VWC2L: variants seen among roughly 807,000 people sequenced by gnomAD.
VWC2L encodes the protein von Willebrand factor C domain containing 2 like, also known as von Willebrand factor C domain-containing protein 2-like.
Under a neutral mutation model 21.6 loss-of-function variants are expected in VWC2L, and 10 were observed. The ratio of observed to expected loss-of-function variants is 0.46; its 90% confidence interval spans 0.29 to 0.78. The LOEUF (loss-of-function observed/expected upper bound fraction) is 0.78. VWC2L is among the 30% of genes least tolerant of loss of function. The pLI is 0.10. For synonymous variants in VWC2L, 96 were observed against 94.3 expected (o/e 1.02, Z -0.10); for missense variants, 209 against 277.1 (o/e 0.75, Z 1.74).
chr2:214,539,659 G>T (rs1689596130), intron 3 of VWC2L, among the ~76,000 whole-genome samples: 1 of 152,094 alleles, frequency 6.6e-6, no homozygotes, highest in Non-Finnish European at 1.5e-5. Flanking sequence ...CTGTTGATGT[G>T]CTGCTTCTTA....
At chr2:214,441,947 T>C (rs1014064801) in intron 3 of VWC2L, among the ~76,000 whole-genome samples, 19 of 151,628 alleles carry the variant, frequency 1.3e-4, no homozygotes, top group Non-Finnish European at 2.8e-4. Context: ...AGTCTAGTTC[T>C]GTCACTCAGG....
chr2:214,497,267 G>T (rs1688825754), intron 3 of VWC2L, among the ~76,000 whole-genome samples: 2 of 152,140 alleles, frequency 1.3e-5, no homozygotes, highest in South Asian at 4.1e-4. Flanking sequence ...TCTGTGATAG[G>T]TCAATGAGTG....
Position 214,575,837 on chromosome 2 carries a change from A to G in VWC2L, c.*17A>G, listed in dbSNP as rs937224096. 5 of 1,608,266 alleles carry G rather than the reference A, an allele frequency of 3.1e-6. No individual in the cohort carries two copies. The highest frequency in any genetic ancestry group is 1.3e-5 in the African/African-American group (1 of 74,920). ...ACTGTGTAGGACAAACTTCCACCCA[A>G]TGATGAGTTCTTAGGAAAGGATGCT... is the stretch of plus-strand genomic sequence containing the variant. On this transcript the variant is annotated 3_prime_UTR_variant, in exon 4 of 4. Coordinates refer to ENST00000312504, the MANE Select transcript of VWC2L (RefSeq NM_001080500.4).
intron 3 of VWC2L, among the ~76,000 whole-genome samples, chr2:214,520,835 G>C (rs1183485523): frequency 6.6e-6 from 1 of 152,114 alleles, no homozygotes; most frequent in Non-Finnish European, 1.5e-5. Context: ...ATACATGAAA[G>C]TGTAAACATT....
Position 214,575,849 on chromosome 2 carries a change from T to G in VWC2L, c.*29T>G. ...AAACTTCCACCCAATGATGAGTTCT[T>G]AGGAAAGGATGCTATGGCTTCAACA... On this transcript the variant is annotated 3_prime_UTR_variant, in exon 4 of 4. Coordinates refer to ENST00000312504, the MANE Select transcript of VWC2L (RefSeq NM_001080500.4). The G allele has an allele frequency of 6.3e-7, 1 of 1,598,448 alleles. No individual in the cohort carries two copies. The highest frequency in any genetic ancestry group is 2.3e-5 in the East Asian group (1 of 44,426).
chr2:214,514,009 TA>T (rs1689099861), intron 3 of VWC2L, among the ~76,000 whole-genome samples: 2 of 152,242 alleles, frequency 1.3e-5, no homozygotes, highest in African/African-American at 4.8e-5. Context: ...ATGGAGCAAG[TA>T]TCTTTGGCTT....
At chr2:214,560,305 G>A (rs1361018578) in intron 3 of VWC2L, among the ~76,000 whole-genome samples, 2 of 152,050 alleles carry the variant, frequency 1.3e-5, no homozygotes, top group African/African-American at 4.8e-5. Context: ...TAGTTATAAG[G>A]CATTTTGTGT....
intron 3 of VWC2L, among the ~76,000 whole-genome samples, chr2:214,545,919 C>A (rs1297892527): frequency 6.6e-6 from 1 of 152,188 alleles, no homozygotes; most frequent in Admixed American, 6.5e-5. Context: ...CTACATCTAG[C>A]ACATACATAC....
At chr2:214,523,346 A>G (rs1297207753) in intron 3 of VWC2L, among the ~76,000 whole-genome samples, 1 of 152,198 alleles carries the variant, frequency 6.6e-6, no homozygotes, top group African/African-American at 2.4e-5. Flanking sequence ...CCCATTTTCT[A>G]TGAGATGCCC....
chr2:214,498,236 TCTGGG>T (rs1688838507), intron 3 of VWC2L, among the ~76,000 whole-genome samples: 1 of 152,158 alleles, frequency 6.6e-6, no homozygotes, highest in African/African-American at 2.4e-5. Context: ...AAATGTAGGT[TCTGGG>T]CAGCAGCTTC....
intron 3 of VWC2L, among the ~76,000 whole-genome samples, chr2:214,508,870 C>T (rs373395371): frequency 2.1e-4 from 32 of 152,194 alleles, no homozygotes; most frequent in African/African-American, 6.3e-4. Context: ...AAGTTCTGAC[C>T]CATTCCCTAA....
chr2:214,543,342 T>C (rs1006915865), intron 3 of VWC2L, among the ~76,000 whole-genome samples: 1 of 152,226 alleles, frequency 6.6e-6, no homozygotes, highest in Non-Finnish European at 1.5e-5. Flanking sequence ...ATAAAACTTA[T>C]TACGTATAGT....
intron 3 of VWC2L, among the ~76,000 whole-genome samples, chr2:214,485,979 T>C (rs1294664416): frequency 1.3e-5 from 2 of 152,144 alleles, no homozygotes; most frequent in Non-Finnish European, 2.9e-5. Flanking sequence ...TGACCCCTAG[T>C]GGATAAATTT....
chr2:214,480,374 A>G (rs949339338), intron 3 of VWC2L, among the ~76,000 whole-genome samples: 7 of 152,232 alleles, frequency 4.6e-5, no homozygotes, highest in African/African-American at 1.4e-4. Flanking sequence ...CCATGTCTGC[A>G]TGATATTGGA....
chr2:214,434,728 G>A (rs1163278414), intron 2 of VWC2L, among the ~76,000 whole-genome samples: 1 of 152,188 alleles, frequency 6.6e-6, no homozygotes, highest in Admixed American at 6.5e-5. Flanking sequence ...GTTTAAATTA[G>A]AATGGTCTTC....
At chr2:214,425,600 G>A (rs1328806920) in intron 2 of VWC2L, among the ~76,000 whole-genome samples, 1 of 151,914 alleles carries the variant, frequency 6.6e-6, no homozygotes, top group Non-Finnish European at 1.5e-5. Flanking sequence ...GATATATTTA[G>A]GATTATATTA....
At chr2:214,573,360 G>C (rs1355733141) in intron 3 of VWC2L, among the ~76,000 whole-genome samples, 1 of 152,116 alleles carries the variant, frequency 6.6e-6, no homozygotes, top group African/African-American at 2.4e-5. Context: ...TATCTTGCCT[G>C]GTTCAGGGAC....
rs1046155706 is a variant in VWC2L at position 214,577,703 on chromosome 2, G to C, written c.*1883G>C. On this transcript the variant is annotated 3_prime_UTR_variant, in exon 4 of 4. Transcript: ENST00000312504. The stretch of plus-strand genomic sequence containing the variant: ...CCACCCTCAGGAAACATATTTTTTT[G>C]AGTCTTGTCAACTGGTTTTTCATTT... The C allele has an allele frequency of 2.0e-5, 3 of 152,046 alleles. No homozygotes were observed. The highest frequency in any genetic ancestry group is 2.1e-4 in the South Asian group (1 of 4,826). 9.4% of individuals were successfully genotyped at this position (152,046 alleles called of 1,614,324 possible). A position where few individuals can be genotyped will look rare whatever the true frequency, so the allele number is the denominator to read the frequency against.
At chr2:214,475,687 G>T (rs1688505144) in intron 3 of VWC2L, among the ~76,000 whole-genome samples, 1 of 151,406 alleles carries the variant, frequency 6.6e-6, no homozygotes. Context: ...CCCAATTTTT[G>T]AACAGAAACC....
Sources: gnomAD v4.1 joint callset for allele counts (sites outside exome capture counted in the v4.1 genomes callset) on GRCh38, gnomAD v4.1.1 for gene constraint, MANE v1.5 for transcripts, NCBI Gene and HGNC (gene_info 2026-07-23, HGNC 2026-07-21) for gene names.